Variants in ADGRB3 observed in about 807,000 individuals in gnomAD.
The protein encoded by ADGRB3 is adhesion G protein-coupled receptor B3.
In ADGRB3, 37 loss-of-function variants were observed where a neutral mutation model predicts 193.4. The ratio of observed to expected loss-of-function variants is 0.19; its 90% CI spans 0.15 to 0.25. The LOEUF is 0.25. Among genes scored for constraint, ADGRB3 ranks in the 10% least tolerant of loss-of-function variants. ADGRB3 has a pLI of 1.00. For synonymous variants in ADGRB3, 690 were observed against 644.2 expected (o/e 1.07, Z -1.08); for missense variants, 1,637 against 1,852.9 (o/e 0.88, Z 2.14).
At chr6:68,841,235 A>G (rs1055456872) in intron 3 of ADGRB3, among the ~76,000 whole-genome samples, 1 of 152,194 alleles carries the variant, frequency 6.6e-6, no homozygotes, top group Non-Finnish European at 1.5e-5. Flanking sequence ...TTTACTCTTC[A>G]TGATAGAACA....
At position 68,974,798 on chromosome 6, in the gene ADGRB3, T is replaced by C. The variant is rs749847915; in HGVS notation, c.1561T>C (p.Ser521Pro). ...AATATGCCCTGAGGATTATCTGATG[T>C]CGATGGTGTGGAAAAGAACTCCAGC... ...YEICPEDYLMSMVWKRTPAGD... is the reference protein window; with the variant it reads ...YEICPEDYLMPMVWKRTPAGD... Residue 521 changes from serine (S) to proline (P), a missense_variant, in exon 9 of 32, where the codon TCG becomes CCG. Coordinates refer to ENST00000370598, the MANE Select transcript of ADGRB3 (RefSeq NM_001704.3). 1 of 1,614,048 alleles carries C rather than the reference T, an allele frequency of 6.2e-7. No individual in the cohort carries two copies. The highest frequency in any genetic ancestry group is 2.2e-5 in the East Asian group (1 of 44,872).
Position 68,930,651 on chromosome 6 carries a change from A to G in ADGRB3, c.850A>G (p.Lys284Glu). The G allele has an allele frequency of 1.2e-6, 2 of 1,608,944 alleles. No homozygotes were observed. The highest frequency in any genetic ancestry group is 8.5e-7 in the Non-Finnish European group (1 of 1,176,698). ...CCCTCAGGAACAAGCTGATGCTGCT[A>G]AATTTATGGCACAAACTGGTAATAC... is the stretch of plus-strand genomic sequence containing the variant. ...RVPQEQADAA[K>E]FMAQTGESGV... The change falls in exon 4 of 32, where the codon AAA becomes GAA. Residue 284 changes from lysine to glutamate, a missense_variant. Around this residue, in one of 7 missense-constraint regions of ADGRB3, gnomAD observed 365 missense variants for 409.8 expected, o/e 0.89. Transcript: ENST00000370598.
chr6:68,770,286 C>G (rs913466965), intron 3 of ADGRB3, among the ~76,000 whole-genome samples: 2 of 152,114 alleles, frequency 1.3e-5, no homozygotes, highest in Admixed American at 6.6e-5. Flanking sequence ...TAATGTACAT[C>G]TCTGTCTTGA....
intron 3 of ADGRB3, among the ~76,000 whole-genome samples, chr6:68,815,119 T>G (rs1031680549): frequency 6.6e-6 from 1 of 152,096 alleles, no homozygotes; most frequent in Non-Finnish European, 1.5e-5. Flanking sequence ...TTCAACATCG[T>G]GTTGGGAGTT....
chr6:69,135,728 T>A (rs1582488443), intron 17 of ADGRB3, among the ~76,000 whole-genome samples: 1 of 152,158 alleles, frequency 6.6e-6, no homozygotes, highest in Non-Finnish European at 1.5e-5. Context: ...TTTTTTGACT[T>A]ATGGTTATCA....
At chr6:69,191,978 G>A (rs1765198262) in intron 17 of ADGRB3, among the ~76,000 whole-genome samples, 1 of 152,078 alleles carries the variant, frequency 6.6e-6, no homozygotes, top group African/African-American at 2.4e-5. Flanking sequence ...AGGACAACTT[G>A]GAAGGCAAGG....
chr6:69,338,884 G>A (rs374825593), intron 24 of ADGRB3, 32 bp from the exon 25 acceptor site: 31 of 1,581,554 alleles, frequency 2.0e-5, no homozygotes, highest in Non-Finnish European at 2.6e-5. Context: ...TCAATATTTT[G>A]TTCTTTTTGT....
chr6:69,278,571 C>A (rs868639385), intron 20 of ADGRB3, among the ~76,000 whole-genome samples: 1 of 152,086 alleles, frequency 6.6e-6, no homozygotes, highest in Non-Finnish European at 1.5e-5. Flanking sequence ...ATAATTTCAA[C>A]AAATTCTATA....
chr6:68,999,295 C>T (rs1487870240), intron 11 of ADGRB3, among the ~76,000 whole-genome samples: 1 of 144,282 alleles, frequency 6.9e-6, no homozygotes, highest in Non-Finnish European at 1.5e-5. Flanking sequence ...GATGGAGTCT[C>T]GCACTGTCGC....
chr6:69,062,726 A>G (rs552804245), intron 15 of ADGRB3, among the ~76,000 whole-genome samples: 1 of 152,098 alleles, frequency 6.6e-6, no homozygotes, highest in Admixed American at 6.6e-5. Context: ...TGCATCTAAA[A>G]TGGTAAAATG....
chr6:68,796,440 C>T (rs17258703), intron 3 of ADGRB3, among the ~76,000 whole-genome samples: 3,506 of 152,208 alleles, frequency 0.023, 68 homozygotes, highest in South Asian at 0.075. Flanking sequence ...TTATCTTTGT[C>T]ATTCTTTTGA....
intron 15 of ADGRB3, among the ~76,000 whole-genome samples, chr6:69,060,251 C>CTCT (rs1562141973): frequency 6.5e-5 from 4 of 61,242 alleles, no homozygotes; most frequent in Admixed American, 1.2e-4. Flanking sequence ...TCTCTCTCTC[C>CTCT]TCCTCTGTCT....
chr6:68,825,470 TG>T (rs75741140), intron 3 of ADGRB3, among the ~76,000 whole-genome samples: 20,084 of 152,202 alleles, frequency 0.13, 2,373 homozygotes, highest in East Asian at 0.64. Context: ...ATGTGTCATG[TG>T]TAAGTAAAAC....
intron 17 of ADGRB3, among the ~76,000 whole-genome samples, chr6:69,094,354 A>G (rs1582455870): frequency 6.6e-6 from 1 of 152,218 alleles, no homozygotes; most frequent in East Asian, 1.9e-4. Flanking sequence ...ATGATTAAAG[A>G]TGTAGTTTCT....
chr6:68,880,863 A>G (rs916630326), intron 3 of ADGRB3, among the ~76,000 whole-genome samples: 1 of 152,196 alleles, frequency 6.6e-6, no homozygotes, highest in Admixed American at 6.5e-5. Flanking sequence ...TTTTTCTCAT[A>G]TAAATGTATT....
chr6:68,886,651 T>G (rs997020088), intron 3 of ADGRB3, among the ~76,000 whole-genome samples: 7 of 152,044 alleles, frequency 4.6e-5, no homozygotes, highest in African/African-American at 1.4e-4. Context: ...GAACCCAGAT[T>G]CAGAAAACTA....
At chr6:69,276,744 C>A (rs1358577139) in intron 20 of ADGRB3, among the ~76,000 whole-genome samples, 1 of 152,076 alleles carries the variant, frequency 6.6e-6, no homozygotes, top group East Asian at 1.9e-4. Flanking sequence ...TCGTCACTTG[C>A]CATTCTGAGT....
At chr6:69,218,974 A>C (rs180975386) in intron 17 of ADGRB3, among the ~76,000 whole-genome samples, 1 of 152,234 alleles carries the variant, frequency 6.6e-6, no homozygotes, top group South Asian at 2.1e-4. Flanking sequence ...TCCACAATGT[A>C]GTTACTGTAC....
chr6:68,929,039 A>G (rs1454098595), intron 3 of ADGRB3, among the ~76,000 whole-genome samples: 2 of 152,160 alleles, frequency 1.3e-5, no homozygotes, highest in Non-Finnish European at 2.9e-5. Context: ...TGGCCTGGCA[A>G]AACATGGTTT....
Sources: gnomAD v4.1 joint callset for allele counts (sites outside exome capture counted in the v4.1 genomes callset) on GRCh38, gnomAD v4.1.1 for gene constraint, gnomAD v4.1.1 regional missense constraint, MANE v1.5 for transcripts, NCBI Gene and HGNC (gene_info 2026-07-23, HGNC 2026-07-21) for gene names.